SPTAN1: variants seen among roughly 807,000 people sequenced by gnomAD.
SPTAN1 encodes spectrin alpha, non-erythrocytic 1.
A neutral mutation model predicts 331.3 loss-of-function variants in SPTAN1; 61 were observed. The ratio of observed to expected loss-of-function variants is 0.18; its 90% confidence interval spans 0.15 to 0.23. SPTAN1 has a LOEUF of 0.23. Among genes scored for constraint, SPTAN1 ranks in the 10% least tolerant of loss-of-function variants. The pLI, the probability that SPTAN1 is intolerant of heterozygous loss-of-function variation, is 1.00. For synonymous variants in SPTAN1, 1,153 were observed against 1,173.9 expected, an observed-to-expected ratio of 0.98 and a Z score of 0.36; for missense variants, 2,043 against 3,147.9, an observed-to-expected ratio of 0.65 and a Z score of 8.40.
At chr9:128,617,147 G>A (rs772942037) in intron 41 of SPTAN1, among the ~76,000 whole-genome samples, 1 of 151,940 alleles carries the variant, frequency 6.6e-6, no homozygotes, top group Non-Finnish European at 1.5e-5. Context: ...GCTGAGGTGG[G>A]AGGATCACTT....
At position 128,612,109 on chromosome 9, in the gene SPTAN1, G is replaced by T. The variant is rs1856636836; in HGVS notation, c.4906G>T (p.Ala1636Ser). 6.2e-7 allele frequency: 1 copy of T among 1,614,076 alleles called. No homozygotes were observed. Among genetic ancestry groups the T allele is most frequent in the Admixed American group, 1.7e-5 (1 of 60,006 alleles). ...TTTTTGGCTCCCTTCTGTTCCCCAG[G>T]CCCGCCTGGCTGCCTTAGCTGACCA... The part of the protein sequence containing the change: ...ACAGSEDAVK[A>S]RLAALADQWQ... Residue 1636 changes from alanine to serine, a missense_variant and splice_region_variant, in exon 39 of 57, where the codon GCC (alanine) becomes TCC (serine). Transcript: ENST00000372739.
intron 10 of SPTAN1, among the ~76,000 whole-genome samples, chr9:128,580,553 AGC>A (rs1256033112): frequency 6.6e-6 from 1 of 152,038 alleles, no homozygotes; most frequent in Non-Finnish European, 1.5e-5. Context: ...TATGTTATGG[AGC>A]ACCCACTCAG....
At chr9:128,628,808 G>C (rs188930473) in intron 51 of SPTAN1, 116 of 266,774 alleles carry the variant, frequency 4.3e-4, no homozygotes, top group African/African-American at 2.5e-3. Context: ...CGCAGTTTCC[G>C]GCCTGTGCCC....
At chr9:128,604,962 A>T (rs1334087299) in intron 29 of SPTAN1, 72 bp from the exon 30 acceptor site, 9 of 1,432,466 alleles carry the variant, frequency 6.3e-6, no homozygotes, top group South Asian at 2.6e-5. Context: ...AAATAAATAA[A>T]TTTTTTTTAG....
In SPTAN1 at chr9:128,625,742, C is replaced by G. The variant is rs1282611116; in HGVS notation, c.6070-27C>G. ...AAGTTCCAGTCCTGTGGAGTCACCA[C>G]AAATTGGCTTGTCACTCCTTGTTCA... is the stretch of plus-strand genomic sequence containing the variant. On this transcript the variant is annotated intron_variant, in intron 47 of 56. Coordinates refer to ENST00000372739, the MANE Select transcript of SPTAN1 (RefSeq NM_001130438.3). The surrounding 1 kb of genome is among the most constrained non-coding windows in gnomAD (Gnocchi z 4.1). 6.2e-7 allele frequency: 1 copy of G among 1,611,164 alleles called. No individual in the cohort carries two copies. The highest frequency in any genetic ancestry group is 8.5e-7 in the Non-Finnish European group (1 of 1,178,370).
At chr9:128,570,880 C>G (rs559637016) in intron 3 of SPTAN1, among the ~76,000 whole-genome samples, 7 of 152,118 alleles carry the variant, frequency 4.6e-5, no homozygotes, top group African/African-American at 1.4e-4. Flanking sequence ...AAGCTGGTCT[C>G]AAACTCCCAA....
At position 128,608,181 on chromosome 9, in the gene SPTAN1, G is replaced by A. The variant is rs1391399712; in HGVS notation, c.4396G>A (p.Ala1466Thr). Residue 1466 changes from alanine to threonine, a missense_variant, in exon 34 of 57, where the codon GCC becomes ACC. Physicochemically the swap from Ala to Thr is moderately conservative, Grantham distance 58. This residue lies in a region of SPTAN1 where 179 missense variants were observed against 215.7 expected (regional missense o/e 0.83). Coordinates refer to ENST00000372739, the MANE Select transcript of SPTAN1 (RefSeq NM_001130438.3). ...TGAGAACTGGATGGCTGCCCGGGAG[G>A]CCTTCTTGAATACCGAAGACAAAGG... ...QAENWMAARE[A>T]FLNTEDKGDS... is the part of the protein sequence containing the mutation. 6.2e-7 allele frequency: 1 copy of A among 1,614,172 alleles called. No homozygotes were observed. Among genetic ancestry groups the A allele is most frequent in the East Asian group, 2.2e-5 (1 of 44,890 alleles).
chr9:128,605,944 A>G (rs1589300115), intron 31 of SPTAN1, among the ~76,000 whole-genome samples: 2 of 151,308 alleles, frequency 1.3e-5, no homozygotes, highest in South Asian at 2.1e-4. Flanking sequence ...GTGAGCCAAG[A>G]TCGTGCCACT....
intron 36 of SPTAN1, 155 bp from the exon 37 acceptor site, chr9:128,609,496 G>T: frequency 1.0e-6 from 1 of 954,068 alleles, no homozygotes; most frequent in Non-Finnish European, 1.6e-6. Context: ...AACTATTTCT[G>T]CTGTAATAAA....
chr9:128,577,004 G>C lies in SPTAN1; in HGVS notation c.785+48G>C. 3 of 1,614,014 alleles carry C rather than the reference G, an allele frequency of 1.9e-6. No homozygotes were observed. Among genetic ancestry groups the C allele is most frequent in the Non-Finnish European group, 2.5e-6 (3 of 1,180,042 alleles). On this transcript the variant is annotated intron_variant, in intron 6 of 56. Transcript: ENST00000372739. The surrounding 1 kb of genome is among the most constrained non-coding windows in gnomAD (Gnocchi z 4.2). ...GGGGAATGGGTCTCAACCTGGAGGGGAGTTGTGAAGCACAGGGCATGTGCT... is the reference window on the plus strand; with the variant it reads ...GGGGAATGGGTCTCAACCTGGAGGGCAGTTGTGAAGCACAGGGCATGTGCT...
rs760192480 is a variant in SPTAN1, at chr9:128,581,024, A to G, written c.1426A>G (p.Thr476Ala). 7 of 1,614,150 alleles carry G rather than the reference A, an allele frequency of 4.3e-6. No homozygotes were observed. Among genetic ancestry groups the G allele is most frequent in the Non-Finnish European group, 5.9e-6 (7 of 1,180,042 alleles). Reference sequence around the variant, plus strand: ...GGACCTGCAGCTCTTCTACCGGGACACTGAGCAGGTGGACAACTGGATGAG... The same window carrying G: ...GGACCTGCAGCTCTTCTACCGGGACGCTGAGCAGGTGGACAACTGGATGAG... The part of the protein sequence containing the change: ...CMDLQLFYRD[T>A]EQVDNWMSKQ... The change falls in exon 11 of 57, where the codon ACT becomes GCT. Residue 476 changes from threonine to alanine, a missense_variant. Physicochemically the swap from Thr to Ala is moderately conservative, Grantham distance 58 (BLOSUM62 0). Around this residue, in one of 12 missense-constraint regions of SPTAN1, gnomAD observed 1,038 missense variants for 1,531.5 expected, o/e 0.68. Coordinates refer to ENST00000372739, the MANE Select transcript of SPTAN1 (RefSeq NM_001130438.3).
At chr9:128,633,085 G>A (rs971562004) in intron 56 of SPTAN1, 124 bp from the exon 57 acceptor site, 120 of 1,591,662 alleles carry the variant, frequency 7.5e-5, no homozygotes, top group Middle Eastern at 6.6e-4. Context: ...AACTCAGTAT[G>A]GACAGAAGTC....
In SPTAN1 at chr9:128,627,196, C is replaced by T. The variant is rs1858894654; in HGVS notation, c.6577-190C>T. On this transcript the variant is annotated intron_variant, in intron 49 of 56. Transcript: ENST00000372739. The surrounding 1 kb of genome is among the most constrained non-coding windows in gnomAD (Gnocchi z 4.9). ...TCCAGGTCCGCCTCTTCCTTGAAGC[C>T]CCTGGGGGGTGGGAACAGAGAAAGA... 2 of 651,354 alleles carry T rather than the reference C, an allele frequency of 3.1e-6. No individual in the cohort carries two copies. The highest frequency in any genetic ancestry group is 5.6e-6 in the Non-Finnish European group (2 of 358,782). 40.3% of individuals were successfully genotyped at this position (651,354 alleles called of 1,614,324 possible).
intron 18 of SPTAN1, 44 bp from the exon 19 acceptor site, chr9:128,585,704 G>C (rs766025318): frequency 6.6e-7 from 1 of 1,509,270 alleles, no homozygotes; most frequent in South Asian, 1.1e-5. Context: ...TCTGTGATGT[G>C]TCAACGTAGT....
chr9:128,608,728 C>T, intron 34 of SPTAN1, 146 bp from the exon 35 acceptor site: 1 of 828,952 alleles, frequency 1.2e-6, no homozygotes, highest in African/African-American at 1.7e-5. Flanking sequence ...ATTTTACACT[C>T]TTGCTTCTAA....
chr9:128,623,232 T>G (rs2131892134), intron 45 of SPTAN1, among the ~76,000 whole-genome samples: 1 of 150,770 alleles, frequency 6.6e-6, no homozygotes, highest in South Asian at 2.1e-4. Flanking sequence ...AATTTCTTTC[T>G]TTTTTTCTTT....
At chr9:128,589,519 A>C (rs1589237706) in intron 21 of SPTAN1, among the ~76,000 whole-genome samples, 2 of 143,998 alleles carry the variant, frequency 1.4e-5, no homozygotes, top group Admixed American at 7.0e-5. Flanking sequence ...CTCGTGATCC[A>C]CCCACCTCAG....
At chr9:128,582,059 A>G (rs1852012932) in intron 12 of SPTAN1, 167 bp downstream of exon 12, 3 of 655,412 alleles carry the variant, frequency 4.6e-6, no homozygotes, top group Non-Finnish European at 8.1e-6. Flanking sequence ...AAGACATAAT[A>G]CAACTTTATG....
At chr9:128,581,535 T>C (rs1001544040) in intron 11 of SPTAN1, among the ~76,000 whole-genome samples, 2 of 150,486 alleles carry the variant, frequency 1.3e-5, no homozygotes, top group East Asian at 1.9e-4. Flanking sequence ...CTGAATCTAA[T>C]AGAAGCAACA....
Sources: gnomAD v4.1 joint callset for allele counts (sites outside exome capture counted in the v4.1 genomes callset) on GRCh38, gnomAD v4.1.1 for gene constraint, gnomAD v4.1.1 regional missense constraint, Gnocchi (gnomAD v3.1) non-coding constraint, MANE v1.5 for transcripts, NCBI Gene and HGNC (gene_info 2026-07-23, HGNC 2026-07-21) for gene names.